TTC7B: variants seen among roughly 807,000 people sequenced by gnomAD.
The protein encoded by TTC7B is tetratricopeptide repeat protein 7B.
Under a neutral mutation model 106.8 loss-of-function variants are expected in TTC7B, and 28 were observed. That is an observed-to-expected ratio of 0.26 (90% CI 0.19 to 0.36). TTC7B has a LOEUF of 0.36. TTC7B is among the 10% of genes least tolerant of loss of function. The pLI is 1.00. For synonymous variants in TTC7B, 405 were observed against 430.6 expected, an observed-to-expected ratio of 0.94 and a Z score of 0.74; for missense variants, 862 against 1,076.4, an observed-to-expected ratio of 0.80 and a Z score of 2.79.
chr14:90,756,784 C>T (rs1040840292), intron 3 of TTC7B, among the ~76,000 whole-genome samples: 2 of 152,162 alleles, frequency 1.3e-5, no homozygotes, highest in Non-Finnish European at 2.9e-5. Context: ...CTCAGCCAAC[C>T]TGAACTAAAG....
At chr14:90,641,284 G>A (rs1885159699) in intron 15 of TTC7B, among the ~76,000 whole-genome samples, 1 of 152,220 alleles carries the variant, frequency 6.6e-6, no homozygotes, top group African/African-American at 2.4e-5. Flanking sequence ...GCCTTCAGCT[G>A]TCTCCTCTAC....
intron 1 of TTC7B, among the ~76,000 whole-genome samples, chr14:90,788,250 A>G (rs1201763931): frequency 6.6e-6 from 1 of 152,214 alleles, no homozygotes; most frequent in Non-Finnish European, 1.5e-5. Flanking sequence ...ACTGGGGTAC[A>G]AAGTGCGACT....
chr14:90,677,236 T>C (rs908826757), intron 8 of TTC7B, among the ~76,000 whole-genome samples: 2 of 152,170 alleles, frequency 1.3e-5, no homozygotes, highest in Admixed American at 6.5e-5. Context: ...ATGAGTTCAA[T>C]CTTGTTTAAG....
intron 18 of TTC7B, among the ~76,000 whole-genome samples, chr14:90,581,353 T>C (rs1891483159): frequency 6.6e-6 from 1 of 152,242 alleles, no homozygotes; most frequent in Non-Finnish European, 1.5e-5. Context: ...GACATTTCTC[T>C]GTCCTTTAGT....
intron 4 of TTC7B, among the ~76,000 whole-genome samples, chr14:90,739,578 G>A (rs1291933591): frequency 1.3e-5 from 2 of 152,284 alleles, no homozygotes; most frequent in South Asian, 2.1e-4. Flanking sequence ...TCATGAACAC[G>A]GGAAGTCTAG....
At chr14:90,658,034 C>T (rs1886022277) in intron 10 of TTC7B, 1 of 460,642 alleles carries the variant, frequency 2.2e-6, no homozygotes, top group Non-Finnish European at 4.0e-6. Flanking sequence ...AAAACATCAG[C>T]TCTAGTTTAA....
chr14:90,670,149 C>G (rs959838084), intron 9 of TTC7B, among the ~76,000 whole-genome samples: 2 of 152,248 alleles, frequency 1.3e-5, no homozygotes, highest in Admixed American at 1.3e-4. Context: ...GAATATTATT[C>G]AGTCATGAAA....
chr14:90,708,326 C>T (rs1051155711), intron 5 of TTC7B, among the ~76,000 whole-genome samples: 6 of 152,106 alleles, frequency 3.9e-5, no homozygotes, highest in African/African-American at 7.2e-5. Flanking sequence ...CTACGACTTT[C>T]GTAGCTACAG....
intron 6 of TTC7B, among the ~76,000 whole-genome samples, chr14:90,692,287 C>G (rs1197480735): frequency 6.6e-6 from 1 of 152,214 alleles, no homozygotes; most frequent in Non-Finnish European, 1.5e-5. Flanking sequence ...ACATAGCTCA[C>G]TGCAGAACAC....
At chr14:90,801,302 C>T (rs2030252908) in intron 1 of TTC7B, among the ~76,000 whole-genome samples, 1 of 151,904 alleles carries the variant, frequency 6.6e-6, no homozygotes. Context: ...AACACAGGTC[C>T]TCCCCAAGAG....
chr14:90,808,877 C>T lies in TTC7B; in HGVS notation c.121+7298G>A, dbSNP rs2030745477. Among the ~76,000 whole-genome samples the T allele has an allele frequency of 6.6e-6, 1 of 152,202 alleles. No individual in the cohort carries two copies. Among genetic ancestry groups the T allele is most frequent in the African/African-American group, 2.4e-5 (1 of 41,454 alleles). On this transcript the variant is annotated intron_variant, in intron 1 of 19. Transcript: ENST00000328459. This position sits in a 1 kb window ranked among gnomAD's most constrained non-coding sequence, Gnocchi z 4.2. The stretch of plus-strand genomic sequence containing the variant: ...GAACCAAAGGCCATTCCTGCGTGCC[C>T]AGGGCACAGCTGGCCGGGCAGCTGG...
intron 13 of TTC7B, chr14:90,648,265 A>G (rs1234072152): frequency 6.6e-6 from 1 of 152,232 alleles, no homozygotes; most frequent in Non-Finnish European, 1.5e-5. Context: ...GCCTCAAGAC[A>G]TAGCCTCAGG....
chr14:90,751,465 G>A (rs971117319), intron 3 of TTC7B, among the ~76,000 whole-genome samples: 2 of 152,216 alleles, frequency 1.3e-5, no homozygotes, highest in Non-Finnish European at 2.9e-5. Flanking sequence ...CATAATCACA[G>A]CTCACTGCAG....
At position 90,743,739 on chromosome 14, in the gene TTC7B, G is replaced by T. The variant is rs117002630; in HGVS notation, c.576+1053C>A. ...AAGACCTTATGTAATCCTCACAAAA[G>T]CTTCATGAAGTAGGAACTATGATTA... is the stretch of plus-strand genomic sequence containing the variant. On this transcript the variant is annotated intron_variant, in intron 4 of 19. Transcript: ENST00000328459. 6.6e-5 allele frequency among the ~76,000 whole-genome samples: 10 copies of T among 152,054 alleles called. 1 individual carries two copies. Among genetic ancestry groups the T allele is most frequent in the Non-Finnish European group, 2.9e-5 (2 of 68,030 alleles).
intron 18 of TTC7B, among the ~76,000 whole-genome samples, chr14:90,590,391 T>A (rs1369758205): frequency 6.6e-6 from 1 of 152,166 alleles, no homozygotes; most frequent in Non-Finnish European, 1.5e-5. Context: ...CAAATCTGGG[T>A]CCACCTCCAC....
At chr14:90,641,950 T>TGC (rs1885196822) in intron 15 of TTC7B, among the ~76,000 whole-genome samples, 1 of 151,982 alleles carries the variant, frequency 6.6e-6, no homozygotes, top group Admixed American at 6.6e-5. Context: ...TGTGTGTGTG[T>TGC]GTGTGTGTGT....
chr14:90,745,845 C>G (rs1448828001), intron 3 of TTC7B, among the ~76,000 whole-genome samples: 1 of 151,722 alleles, frequency 6.6e-6, no homozygotes, highest in South Asian at 2.1e-4. Context: ...GCTGGGACTA[C>G]GGGCGCATTC....
intron 13 of TTC7B, among the ~76,000 whole-genome samples, chr14:90,648,001 G>A (rs1033640994): frequency 2.6e-5 from 4 of 152,076 alleles, no homozygotes; most frequent in African/African-American, 9.7e-5. Flanking sequence ...TTCAACTGTG[G>A]CAAACAGGCC....
chr14:90,795,889 G>C (rs922208105), intron 1 of TTC7B, among the ~76,000 whole-genome samples: 2 of 152,174 alleles, frequency 1.3e-5, no homozygotes, highest in African/African-American at 4.8e-5. Context: ...GTGCCATGCA[G>C]TATGGTGAGC....
Sources: gnomAD v4.1 joint callset for allele counts (sites outside exome capture counted in the v4.1 genomes callset) on GRCh38, gnomAD v4.1.1 for gene constraint, Gnocchi (gnomAD v3.1) non-coding constraint, MANE v1.5 for transcripts, NCBI Gene and HGNC (gene_info 2026-07-23, HGNC 2026-07-21) for gene names.